MAD1L1: variants seen among roughly 807,000 people sequenced by gnomAD.
MAD1L1 encodes the protein mitotic arrest deficient 1 like 1.
In MAD1L1, 95 loss-of-function variants were observed where a neutral mutation model predicts 96.9. The observed-to-expected ratio is 0.98, with a 90% CI of 0.83 to 1.16. MAD1L1 has a LOEUF of 1.16. Ranked by LOEUF, MAD1L1 falls within the 50% of genes most tolerant of loss-of-function variation. The pLI is 0.00. For missense variants in MAD1L1, 1,007 were observed against 954.4 expected (o/e 1.06, Z -0.73); for synonymous variants, 473 against 396.6 (o/e 1.19, Z -2.29).
At chr7:1,892,983 G>C (rs116587187) in intron 18 of MAD1L1, among the ~76,000 whole-genome samples, 2,740 of 152,344 alleles carry the variant, frequency 0.018, 75 homozygotes, top group African/African-American at 0.062. Context: ...AAGGGAGGTG[G>C]GGAAAATTCC....
At chr7:2,108,719 T>C (rs1787218923) in intron 11 of MAD1L1, among the ~76,000 whole-genome samples, 1 of 152,120 alleles carries the variant, frequency 6.6e-6, no homozygotes. Context: ...CTAAGGTCAG[T>C]AGAAACTTTC....
intron 17 of MAD1L1, among the ~76,000 whole-genome samples, chr7:1,919,130 G>T (rs569811122): frequency 6.6e-6 from 1 of 152,248 alleles, no homozygotes; most frequent in Non-Finnish European, 1.5e-5. Flanking sequence ...GCTCACCCTT[G>T]GTGCGGGGAC....
At chr7:1,866,322 C>T (rs1028276115) in intron 18 of MAD1L1, among the ~76,000 whole-genome samples, 3 of 152,192 alleles carry the variant, frequency 2.0e-5, no homozygotes, top group Non-Finnish European at 2.9e-5. Context: ...CTGTGGGTCC[C>T]GACAGCCTCT....
At chr7:1,827,821 G>A (rs2128624838) in intron 18 of MAD1L1, among the ~76,000 whole-genome samples, 1 of 152,242 alleles carries the variant, frequency 6.6e-6, no homozygotes, top group Admixed American at 6.5e-5. Context: ...CTCCCCTCCT[G>A]GGCCCGGGCT....
intron 17 of MAD1L1, among the ~76,000 whole-genome samples, chr7:1,908,550 T>C (rs1251147041): frequency 1.3e-5 from 2 of 152,104 alleles, no homozygotes; most frequent in South Asian, 2.1e-4. Context: ...ACTGGGCTAA[T>C]ATATATATTT....
At chr7:2,048,788 G>T (rs1175950003) in intron 12 of MAD1L1, among the ~76,000 whole-genome samples, 1 of 152,138 alleles carries the variant, frequency 6.6e-6, no homozygotes, top group Non-Finnish European at 1.5e-5. Flanking sequence ...CCAGCTTCAG[G>T]TGCTCTCCCC....
At chr7:2,154,594 T>C (rs997229537) in intron 10 of MAD1L1, among the ~76,000 whole-genome samples, 1 of 152,134 alleles carries the variant, frequency 6.6e-6, no homozygotes, top group Non-Finnish European at 1.5e-5. Context: ...ATATCACAGG[T>C]ACTCCATAAA....
At chr7:2,094,863 G>A (rs117745196) in intron 11 of MAD1L1, among the ~76,000 whole-genome samples, 1 of 152,042 alleles carries the variant, frequency 6.6e-6, no homozygotes, top group Non-Finnish European at 1.5e-5. Context: ...AACAGGAAGT[G>A]GGGGGGCAGG....
chr7:2,072,294 C>G (rs1451985259), intron 11 of MAD1L1, among the ~76,000 whole-genome samples: 1 of 152,230 alleles, frequency 6.6e-6, no homozygotes, highest in Non-Finnish European at 1.5e-5. Flanking sequence ...TGGTCAGAGT[C>G]TTCTGTGTTG....
intron 18 of MAD1L1, among the ~76,000 whole-genome samples, chr7:1,843,782 C>T (rs1783420916): frequency 6.6e-6 from 1 of 152,160 alleles, no homozygotes; most frequent in Non-Finnish European, 1.5e-5. Context: ...CACGGCAGGC[C>T]ACGTGGAGGC....
intron 7 of MAD1L1, among the ~76,000 whole-genome samples, chr7:2,216,632 C>G (rs1040517218): frequency 2.6e-5 from 4 of 152,158 alleles, no homozygotes; most frequent in African/African-American, 9.7e-5. Context: ...ACTGATGTGT[C>G]CAGGCAGGTT....
intron 11 of MAD1L1, among the ~76,000 whole-genome samples, chr7:2,105,962 C>T (rs1429231481): frequency 2.1e-5 from 3 of 144,904 alleles, no homozygotes; most frequent in Non-Finnish European, 4.6e-5. Context: ...AGGGCACCAA[C>T]ACCTCAGCCC....
chr7:2,029,960 C>T (rs1783148166), intron 12 of MAD1L1, among the ~76,000 whole-genome samples: 1 of 152,186 alleles, frequency 6.6e-6, no homozygotes, highest in African/African-American at 2.4e-5. Context: ...CCCTAGCGCC[C>T]AGACACGAGT....
chr7:1,998,359 G>A (rs926908532), intron 14 of MAD1L1, among the ~76,000 whole-genome samples: 1 of 152,238 alleles, frequency 6.6e-6, no homozygotes, highest in Non-Finnish European at 1.5e-5. Context: ...GTTGGACATG[G>A]GGAGTCCATG....
Position 2,157,663 on chromosome 7 carries a change from C to G in MAD1L1, c.987-8425G>C, listed in dbSNP as rs138025405. 6.1e-5 allele frequency among the ~76,000 whole-genome samples: 9 copies of G among 146,600 alleles called. No individual in the cohort carries two copies. The East Asian group carries it at 1.9e-3, about 30-fold the overall frequency. On this transcript the variant is annotated intron_variant, in intron 10 of 18. Transcript: ENST00000265854. Reference sequence around the variant, plus strand: ...AGGGCTGGAGCTCCACCACCACTGGCTGTCACGAGCTCCACACAAGAACAG... The same window carrying G: ...AGGGCTGGAGCTCCACCACCACTGGGTGTCACGAGCTCCACACAAGAACAG...
At chr7:2,222,408 A>G (rs774166342) in intron 5 of MAD1L1, among the ~76,000 whole-genome samples, 167 bp downstream of exon 5, 5 of 152,170 alleles carry the variant, frequency 3.3e-5, no homozygotes, top group African/African-American at 7.2e-5. Context: ...ACTGAAAACT[A>G]CAGAATGGAA....
At chr7:1,850,366 C>T (rs62435130) in intron 18 of MAD1L1, among the ~76,000 whole-genome samples, 25,572 of 152,246 alleles carry the variant, frequency 0.17, 2,626 homozygotes, top group South Asian at 0.29. Context: ...TCACCCCCTG[C>T]CACCTCTGGA....
intron 11 of MAD1L1, among the ~76,000 whole-genome samples, chr7:2,145,772 C>T (rs572898618): frequency 1.3e-5 from 2 of 152,352 alleles, no homozygotes; most frequent in South Asian, 2.1e-4. Flanking sequence ...CAGGATCCTC[C>T]CTGAAACAGG....
chr7:2,216,478 T>G (rs906241149), intron 7 of MAD1L1, among the ~76,000 whole-genome samples, 191 bp from the exon 8 acceptor site: 19 of 152,158 alleles, frequency 1.2e-4, no homozygotes, highest in Non-Finnish European at 2.2e-4. Flanking sequence ...AGGGATTGAC[T>G]GGGGGAGCAG....
Sources: gnomAD v4.1 joint callset for allele counts (sites outside exome capture counted in the v4.1 genomes callset) on GRCh38, gnomAD v4.1.1 for gene constraint, MANE v1.5 for transcripts, NCBI Gene and HGNC (gene_info 2026-07-23, HGNC 2026-07-21) for gene names.